ABCC9: variants seen among roughly 807,000 people sequenced by gnomAD.
ABCC9 encodes ATP-binding cassette sub-family C member 9.
In ABCC9, 95 loss-of-function variants were observed where a neutral mutation model predicts 188.3. The ratio of observed to expected loss-of-function variants is 0.50; its 90% confidence interval spans 0.43 to 0.60. ABCC9 has a LOEUF of 0.60. ABCC9 is among the 20% of genes least tolerant of loss of function. The probability of loss-of-function intolerance (pLI) is 0.00; values close to 1 mark genes in which losing one functional copy is unlikely to be tolerated. For synonymous variants in ABCC9, 659 were observed against 652.7 expected (o/e 1.01, Z -0.15); for missense variants, 1,102 against 1,876.3 (o/e 0.59, Z 7.62).
intron 7 of ABCC9, among the ~76,000 whole-genome samples, chr12:21,915,251 G>GTATATAATGTGTATATGTA (rs1231580327): frequency 4.5e-3 from 329 of 73,492 alleles, no homozygotes; most frequent in Non-Finnish European, 7.3e-3. Flanking sequence ...GTGTGTGTGT[G>GTATATAATGTGTATATGTA]TGTGTGTGTG....
At chr12:21,816,336 T>C (rs1407077341) in intron 33 of ABCC9, among the ~76,000 whole-genome samples, 2 of 152,014 alleles carry the variant, frequency 1.3e-5, no homozygotes, top group Non-Finnish European at 2.9e-5. Flanking sequence ...AAGACACAGC[T>C]CAAGGTGCTT....
rs1337340709 is a variant in ABCC9 at position 21,799,269 on chromosome 12, AAAG to A, written c.*1772_*1774del. 2 of 151,910 alleles carry A rather than the reference AAAG, an allele frequency of 1.3e-5. No homozygotes were observed. Among genetic ancestry groups the A allele is most frequent in the Admixed American group, 6.5e-5 (1 of 15,274 alleles). The allele number at this position is 151,910 out of a possible 1,614,324, so 9.4% of individuals were successfully genotyped here. The stretch of plus-strand genomic sequence containing the variant: ...TATTAAAAAAAAAATTAAAAAAAAA[AAAG>A]AAAAAAAAAAGATTACTTCCATGGG... On this transcript the variant is annotated 3_prime_UTR_variant, in exon 40 of 40. Transcript: ENST00000261200.
At position 21,812,111 on chromosome 12, in the gene ABCC9, G is replaced by A; in HGVS notation, c.4149C>T (p.His1383=). 6.2e-7 allele frequency: 1 copy of A among 1,613,362 alleles called. No homozygotes were observed. The highest frequency in any genetic ancestry group is 8.5e-7 in the Non-Finnish European group (1 of 1,179,452). The change falls in exon 36 of 40, where the codon CAC becomes CAT. Residue 1383 remains histidine, a synonymous_variant. Transcript: ENST00000261200. ...TGATTGAAAGTCTAGAACGTAGTGT[G>A]TGCAGTGGTAATTTGGAAATGTCTA... ...DGIDISKLPL[H]TLRSRLSIIL... is the part of the protein sequence containing the mutation.
rs2137983816 is a variant in ABCC9, at chr12:21,923,916, A to C, written c.406+2026T>G. On this transcript the variant is annotated intron_variant, in intron 5 of 39. Transcript: ENST00000261200. ...TGAAAAAACTATGATATAGTTATAC[A>C]ATGAAATGCAACAATAAGAAAATAT... 12 of 668,268 alleles carry C rather than the reference A, an allele frequency of 1.8e-5. No individual in the cohort carries two copies. In the South Asian group the frequency reaches 2.0e-4, roughly 11 times the overall value. The allele number at this position is 668,268 out of a possible 1,614,324, so 41.4% of individuals were successfully genotyped here.
chr12:21,862,565 C>T (rs1393010624), intron 20 of ABCC9, among the ~76,000 whole-genome samples: 1 of 142,614 alleles, frequency 7.0e-6, no homozygotes, highest in East Asian at 2.1e-4. Flanking sequence ...AGTCACCAGA[C>T]CCCTCAGGTC....
chr12:21,878,605 C>T (rs1021707227), intron 16 of ABCC9, among the ~76,000 whole-genome samples: 1 of 152,130 alleles, frequency 6.6e-6, no homozygotes, highest in Non-Finnish European at 1.5e-5. Flanking sequence ...GAAACATACT[C>T]ACATCTACAG....
At chr12:21,886,622 A>T (rs907638886) in intron 15 of ABCC9, among the ~76,000 whole-genome samples, 2 of 152,114 alleles carry the variant, frequency 1.3e-5, no homozygotes, top group Non-Finnish European at 1.5e-5. Flanking sequence ...TATAAACAAA[A>T]ATTATATTAC....
intron 16 of ABCC9, among the ~76,000 whole-genome samples, chr12:21,876,956 C>T (rs1946384625): frequency 2.0e-5 from 3 of 152,166 alleles, no homozygotes; most frequent in African/African-American, 7.2e-5. Context: ...TTTTCTGTAG[C>T]TTGTGATATA....
intron 26 of ABCC9, among the ~76,000 whole-genome samples, chr12:21,845,250 T>C (rs1344258870): frequency 6.6e-6 from 1 of 152,092 alleles, no homozygotes; most frequent in Non-Finnish European, 1.5e-5. Flanking sequence ...CCAGCTAATA[T>C]ACTGATGTAG....
Position 21,859,684 on chromosome 12 carries a change from C to T in ABCC9, c.2425-18G>A, listed in dbSNP as rs751618527. The stretch of plus-strand genomic sequence containing the variant: ...TTGATGCCCTAGAGAAGAGACACCC[C>T]CAAATACCCATTTTTTAATATTAGT... On this transcript the variant is annotated intron_variant, in intron 21 of 39. Coordinates refer to ENST00000261200, the MANE Select transcript of ABCC9 (RefSeq NM_020297.4). The T allele has an allele frequency of 3.1e-6, 5 of 1,603,116 alleles. No homozygotes were observed. Among genetic ancestry groups the T allele is most frequent in the Non-Finnish European group, 4.3e-6 (5 of 1,170,208 alleles).
chr12:21,852,243 C>T (rs1945006033), intron 23 of ABCC9, 21 bp from the exon 24 acceptor site: 1 of 1,613,604 alleles, frequency 6.2e-7, no homozygotes, highest in South Asian at 1.1e-5. Flanking sequence ...CGGATATTCC[C>T]AGAAATGTGA....
At position 21,838,080 on chromosome 12, in the gene ABCC9, A is replaced by G; in HGVS notation, c.3564T>C (p.Phe1188=). 1 of 1,612,156 alleles carries G rather than the reference A, an allele frequency of 6.2e-7. No homozygotes were observed. Among genetic ancestry groups the G allele is most frequent in the South Asian group, 1.1e-5 (1 of 91,048 alleles). The change falls in exon 30 of 40, where the codon TTT becomes TTC. Residue 1188 remains phenylalanine, a splice_region_variant and synonymous_variant. Coordinates refer to ENST00000261200, the MANE Select transcript of ABCC9 (RefSeq NM_020297.4). ...TAEGLTTIRA[F]RHETRFKQRM... is the part of the protein sequence containing the mutation. ...AATATAAAAATGTGTTTACTCACCT[A>G]AAGGCCCGAATGGTGGTGAGTCCTT... is the stretch of plus-strand genomic sequence containing the variant.
At chr12:21,807,313 C>T (rs372274531) in intron 38 of ABCC9, 33 bp downstream of exon 38, 69 of 1,613,300 alleles carry the variant, frequency 4.3e-5, no homozygotes, top group Middle Eastern at 1.7e-4. Context: ...TTCTCCAATT[C>T]GTCAATTTTA....
At chr12:21,883,116 G>C (rs1164773991) in intron 15 of ABCC9, among the ~76,000 whole-genome samples, 1 of 152,166 alleles carries the variant, frequency 6.6e-6, no homozygotes, top group African/African-American at 2.4e-5. Flanking sequence ...AATGATGGAA[G>C]TTAAAGTACA....
At position 21,918,207 on chromosome 12, in the gene ABCC9, TAA is replaced by T. The variant is rs1948676395; in HGVS notation, c.407-1106_407-1105del. On this transcript the variant is annotated intron_variant, in intron 5 of 39. Transcript: ENST00000261200. Reference sequence around the variant, plus strand: ...ACTTCAAGACAATTATTATCAGAAATAAAAAAGACTTTTAATAATAATAAAAG... The same window carrying T: ...ACTTCAAGACAATTATTATCAGAAATAAAAGACTTTTAATAATAATAAAAG... 2.6e-5 allele frequency among the ~76,000 whole-genome samples: 4 copies of T among 151,976 alleles called. No individual in the cohort carries two copies. In the South Asian group the frequency reaches 6.2e-4, roughly 24 times the overall value.
At chr12:21,807,228 G>A in intron 38 of ABCC9, 118 bp downstream of exon 38, 1 of 1,370,756 alleles carries the variant, frequency 7.3e-7, no homozygotes, top group Non-Finnish European at 1.0e-6. Flanking sequence ...AGATGATTGA[G>A]CAGATTCTCA....
Position 21,882,814 on chromosome 12 carries a change from T to C in ABCC9, c.1971A>G (p.Gln657=). 1 of 1,614,128 alleles carries C rather than the reference T, an allele frequency of 6.2e-7. No homozygotes were observed. Among genetic ancestry groups the C allele is most frequent in the Non-Finnish European group, 8.5e-7 (1 of 1,179,984 alleles). ...CTGCGGGACGTAGACGCCGTGTTGA[T>C]TGCTCATAGCTGTCCAGGTGATATC... ...PGRYHLDSYE[Q]STRRLRPAET... The change falls in exon 16 of 40, where the codon CAA becomes CAG. Residue 657 remains glutamine, a synonymous_variant. Transcript: ENST00000261200.
At chr12:21,849,797 T>G (rs191319131) in intron 24 of ABCC9, among the ~76,000 whole-genome samples, 546 of 152,306 alleles carry the variant, frequency 3.6e-3, no homozygotes, top group Non-Finnish European at 6.4e-3. Flanking sequence ...GAGAGGGAAG[T>G]GAGGAGTGTT....
intron 18 of ABCC9, among the ~76,000 whole-genome samples, chr12:21,871,797 A>T (rs1247657451): frequency 2.6e-5 from 4 of 152,164 alleles, no homozygotes; most frequent in Non-Finnish European, 5.9e-5. Context: ...AAAACCAAAA[A>T]TGTCTCCAGA....
Sources: allele counts gnomAD v4.1 joint callset (sites outside exome capture counted in the v4.1 genomes callset), GRCh38; gene constraint gnomAD v4.1.1; transcripts MANE v1.5; gene names NCBI Gene and HGNC (gene_info 2026-07-23, HGNC 2026-07-21).